TMPRSS11A: variants seen among roughly 807,000 people sequenced by gnomAD.
TMPRSS11A encodes transmembrane serine protease 11A.
TMPRSS11A carries 53 observed loss-of-function variants against 58.9 expected under a neutral mutation model. That is an observed-to-expected ratio of 0.90 (90% confidence interval 0.72 to 1.13). The LOEUF (loss-of-function observed/expected upper bound fraction) is 1.13. Ranked by LOEUF, TMPRSS11A falls within the 50% of genes most tolerant of loss-of-function variation. TMPRSS11A has a pLI of 0.00. For synonymous variants in TMPRSS11A, 167 were observed against 169.8 expected, an observed-to-expected ratio of 0.98 and a Z score of 0.13; for missense variants, 493 against 499.3, an observed-to-expected ratio of 0.99 and a Z score of 0.12.
At chr4:67,939,080 C>T (rs536682844) in intron 3 of TMPRSS11A, among the ~76,000 whole-genome samples, 10 of 152,066 alleles carry the variant, frequency 6.6e-5, no homozygotes, top group South Asian at 4.1e-4. Flanking sequence ...GTGTCATCTC[C>T]GATTTCTTTC....
chr4:67,963,318 C>A, intron 1 of TMPRSS11A, 65 bp downstream of exon 1: 1 of 1,577,526 alleles, frequency 6.3e-7, no homozygotes, highest in African/African-American at 1.3e-5. Flanking sequence ...TCTTACACAT[C>A]AGGAATCCGG....
chr4:67,960,793 C>A (rs939172752), intron 1 of TMPRSS11A, among the ~76,000 whole-genome samples: 2 of 152,058 alleles, frequency 1.3e-5, no homozygotes, highest in Non-Finnish European at 2.9e-5. Context: ...TACAAAGGAC[C>A]TGCCCAGTAC....
At chr4:67,913,239 T>C (rs1412897327) in intron 9 of TMPRSS11A, among the ~76,000 whole-genome samples, 2 of 152,012 alleles carry the variant, frequency 1.3e-5, no homozygotes, top group East Asian at 1.9e-4. Flanking sequence ...AATACAATAG[T>C]GTTGAGAGAT....
At chr4:67,918,055 G>A (rs1374809734) in intron 8 of TMPRSS11A, among the ~76,000 whole-genome samples, 1 of 152,164 alleles carries the variant, frequency 6.6e-6, no homozygotes, top group African/African-American at 2.4e-5. Context: ...TGAGTGAAAG[G>A]TTATTCCTAG....
intron 8 of TMPRSS11A, among the ~76,000 whole-genome samples, chr4:67,918,652 T>C (rs1438426): frequency 0.71 from 108,309 of 151,650 alleles, 39,190 homozygotes; most frequent in African/African-American, 0.83. Context: ...ATGAAGACAA[T>C]ATAGAGAAAA....
chr4:67,944,795 A>G (rs1720963780), intron 2 of TMPRSS11A, among the ~76,000 whole-genome samples, 158 bp from the exon 3 acceptor site: 2 of 152,170 alleles, frequency 1.3e-5, no homozygotes, highest in South Asian at 4.1e-4. Flanking sequence ...ATCAATTATA[A>G]TAGCTGCCAT....
intron 8 of TMPRSS11A, among the ~76,000 whole-genome samples, chr4:67,915,894 T>A (rs1039405654): frequency 6.6e-6 from 1 of 152,230 alleles, no homozygotes; most frequent in Non-Finnish European, 1.5e-5. Flanking sequence ...AGTGCTGTTT[T>A]AACTGTTTGT....
At chr4:67,938,849 T>C (rs1720812586) in intron 3 of TMPRSS11A, among the ~76,000 whole-genome samples, 1 of 152,084 alleles carries the variant, frequency 6.6e-6, no homozygotes, top group African/African-American at 2.4e-5. Flanking sequence ...ATGTGAGGCC[T>C]CTGGCTCTGT....
chr4:67,917,971 T>C (rs1392324909), intron 8 of TMPRSS11A, among the ~76,000 whole-genome samples: 2 of 152,214 alleles, frequency 1.3e-5, no homozygotes, highest in African/African-American at 4.8e-5. Flanking sequence ...TGTCTCACTC[T>C]GTATAAGATA....
Position 67,952,248 on chromosome 4 carries a change from C to T in TMPRSS11A, c.12-5677G>A, listed in dbSNP as rs545198611. ...ACTTGCTCAATTCATGCAGCCAGTA[C>T]GCAGAGTTAGAACCTACTGTGTGGC... On this transcript the variant is annotated intron_variant, in intron 1 of 9. Transcript: ENST00000508048. Among the ~76,000 whole-genome samples the T allele has an allele frequency of 9.0e-4, 137 of 152,306 alleles. 1 individual carries two copies. The highest frequency in any genetic ancestry group is 4.6e-3 in the South Asian group (22 of 4,822).
chr4:67,958,500 T>G (rs537458827), intron 1 of TMPRSS11A, among the ~76,000 whole-genome samples: 1 of 152,244 alleles, frequency 6.6e-6, no homozygotes, highest in Admixed American at 6.5e-5. Context: ...CTTTGGCCCC[T>G]TCATTTTGGC....
At chr4:67,937,705 C>A (rs1720784122) in intron 3 of TMPRSS11A, among the ~76,000 whole-genome samples, 1 of 152,098 alleles carries the variant, frequency 6.6e-6, no homozygotes, top group African/African-American at 2.4e-5. Context: ...CATGTTGCTG[C>A]AAAGGACATG....
At chr4:67,939,287 GTTGT>G (rs1195975907) in intron 3 of TMPRSS11A, among the ~76,000 whole-genome samples, 4 of 152,106 alleles carry the variant, frequency 2.6e-5, no homozygotes, top group Non-Finnish European at 4.4e-5. Context: ...CTTTACTGAA[GTTGT>G]TTATCAGTTT....
chr4:67,955,474 G>T (rs1239483370), intron 1 of TMPRSS11A, among the ~76,000 whole-genome samples: 1 of 152,206 alleles, frequency 6.6e-6, no homozygotes, highest in Non-Finnish European at 1.5e-5. Context: ...ATGCTGAAAT[G>T]ATATGCCTGC....
intron 3 of TMPRSS11A, among the ~76,000 whole-genome samples, chr4:67,943,372 T>G (rs897029379): frequency 6.6e-6 from 1 of 152,204 alleles, no homozygotes; most frequent in Non-Finnish European, 1.5e-5. Flanking sequence ...TTTCAAAATT[T>G]CCCAGTAAAT....
chr4:67,954,359 G>T (rs1211308469), intron 1 of TMPRSS11A, among the ~76,000 whole-genome samples: 2 of 152,228 alleles, frequency 1.3e-5, no homozygotes, highest in Non-Finnish European at 2.9e-5. Context: ...GATACTCACT[G>T]TTGATCACAT....
intron 3 of TMPRSS11A, among the ~76,000 whole-genome samples, chr4:67,936,066 C>T (rs1451295944): frequency 2.6e-5 from 4 of 152,058 alleles, no homozygotes; most frequent in African/African-American, 9.7e-5. Context: ...GTTGACACCA[C>T]AGAGTTCACT....
In TMPRSS11A at chr4:67,944,577, T is replaced by G. The variant is rs1720957287; in HGVS notation, c.194A>C (p.Asn65Thr). ...TTGATATGTGTTGCTTTGTCCGAAA[T>G]TGTTATTGATTTGTGGATCTAAAAT... ...FKILDPQINN[N>T]FGQSNTYQLK... The change falls in exon 3 of 10, where the codon AAT becomes ACT. Residue 65 changes from asparagine to threonine, a missense_variant. Coordinates refer to ENST00000508048, the MANE Select transcript of TMPRSS11A (RefSeq NM_001114387.2). The G allele has an allele frequency of 2.5e-6, 4 of 1,613,204 alleles. No individual in the cohort carries two copies.
At position 67,911,034 on chromosome 4, in the gene TMPRSS11A, A is replaced by C; in HGVS notation, c.*308T>G. On this transcript the variant is annotated 3_prime_UTR_variant, in exon 10 of 10. Transcript: ENST00000508048. ...GACCCTTGACAACGACATTCTAAAA[A>C]TCCCATGGACTATCTTCAAAAATAT... is the stretch of plus-strand genomic sequence containing the variant. The C allele has an allele frequency of 9.7e-6, 2 of 205,532 alleles. No homozygotes were observed. Among genetic ancestry groups the C allele is most frequent in the Non-Finnish European group, 9.7e-6 (1 of 103,204 alleles). 12.7% of individuals were successfully genotyped at this position (205,532 alleles called of 1,614,324 possible).
Sources: allele counts gnomAD v4.1 joint callset (sites outside exome capture counted in the v4.1 genomes callset), GRCh38; gene constraint gnomAD v4.1.1; transcripts MANE v1.5; gene names NCBI Gene and HGNC (gene_info 2026-07-23, HGNC 2026-07-21).